Variants in ENTREP3 observed in about 807,000 individuals in gnomAD.
The protein encoded by ENTREP3 is protein ENTREP3.
chr1:155,251,797 G>A, the ENTREP3 span: 53 of 1,590,384 alleles, frequency 3.3e-5, no homozygotes, highest in Non-Finnish European at 4.4e-5. Flanking sequence ...GGGGGCACAG[G>A]CGGGACAAAT....
At chr1:155,254,623 C>T in the ENTREP3 span, 1 of 1,599,100 alleles carries the variant, frequency 6.3e-7, no homozygotes. This position sits in a 1 kb window ranked among gnomAD's most constrained non-coding sequence, Gnocchi z 4.4. Flanking sequence ...GAGGAGCCTC[C>T]CCCACCCAAC....
the ENTREP3 span, chr1:155,253,320 C>T: frequency 0.011 from 3,304 of 292,222 alleles, 103 homozygotes; most frequent in African/African-American, 0.067. Flanking sequence ...GCTGGGATTA[C>T]AGGAATGAGC....
Sources: allele counts gnomAD v4.1 joint callset, GRCh38; gene constraint gnomAD v4.1.1; non-coding constraint Gnocchi (gnomAD v3.1); transcripts MANE v1.5; gene names NCBI Gene and HGNC (gene_info 2026-07-23, HGNC 2026-07-21).